Variants in ZFYVE9 observed in about 807,000 individuals in gnomAD.
ZFYVE9 encodes zinc finger FYVE domain-containing protein 9.
In ZFYVE9, 43 loss-of-function variants were observed where a neutral mutation model predicts 126.7. The observed-to-expected ratio is 0.34, with a 90% CI of 0.27 to 0.44. ZFYVE9 has a LOEUF of 0.44. ZFYVE9 is among the 20% of genes least tolerant of loss of function. The pLI is 1.00. For missense variants in ZFYVE9, 1,476 were observed against 1,697.0 expected (o/e 0.87, Z 2.29); for synonymous variants, 521 against 597.4 (o/e 0.87, Z 1.87).
intron 2 of ZFYVE9, among the ~76,000 whole-genome samples, chr1:52,230,270 A>T (rs146854980): frequency 1.3e-5 from 2 of 152,190 alleles, no homozygotes; most frequent in Non-Finnish European, 2.9e-5. Flanking sequence ...CACAGATTGA[A>T]TCCCATGTTA....
At chr1:52,277,191 TCTATTGTTAGTAAAATAC>T (rs72463287) in intron 8 of ZFYVE9, among the ~76,000 whole-genome samples, 9,897 of 151,912 alleles carry the variant, frequency 0.065, 428 homozygotes, top group Non-Finnish European at 0.1. Flanking sequence ...ATTGTTGGAT[TCTATTGTTAGTAAAATAC>T]CTATTGTTAG....
chr1:52,183,762 T>C (rs1467262601), intron 1 of ZFYVE9, among the ~76,000 whole-genome samples: 2 of 152,166 alleles, frequency 1.3e-5, no homozygotes, highest in Non-Finnish European at 2.9e-5. Flanking sequence ...CGCCTCGGCC[T>C]CCCGAAGTGC....
intron 1 of ZFYVE9, among the ~76,000 whole-genome samples, chr1:52,156,397 A>C (rs1389137130): frequency 1.3e-5 from 2 of 152,130 alleles, no homozygotes; most frequent in African/African-American, 2.4e-5. Context: ...CTGCCCTTGA[A>C]TCTTTGAGAT....
chr1:52,235,925 CTG>C lies in ZFYVE9; in HGVS notation c.71-1560_71-1559del, dbSNP rs1411951629. 4.6e-5 allele frequency among the ~76,000 whole-genome samples: 7 copies of C among 152,136 alleles called. No homozygotes were observed. The East Asian group carries it at 7.7e-4, about 17-fold the overall frequency. On this transcript the variant is annotated intron_variant, in intron 3 of 18. Coordinates refer to ENST00000287727, the MANE Select transcript of ZFYVE9 (RefSeq NM_004799.4). Reference sequence around the variant, plus strand: ...GATGTCTTTGATAAGTTCTTGGAAACTGTGACTTTAAGCAAATTGATACACTG... The same window carrying C: ...GATGTCTTTGATAAGTTCTTGGAAACTGACTTTAAGCAAATTGATACACTG...
At chr1:52,267,129 C>G (rs1490270821) in intron 6 of ZFYVE9, among the ~76,000 whole-genome samples, 2 of 152,176 alleles carry the variant, frequency 1.3e-5, no homozygotes, top group Non-Finnish European at 2.9e-5. Flanking sequence ...AATTTGAAGT[C>G]AATCTGTAAA....
rs1368337604 is a variant in ZFYVE9, at chr1:52,346,125, C to T, written c.4182C>T (p.Ser1394=). The T allele has an allele frequency of 1.1e-5, 17 of 1,613,454 alleles. No homozygotes were observed. Among genetic ancestry groups the T allele is most frequent in the East Asian group, 6.7e-5 (3 of 44,872 alleles). Residue 1394 remains serine, a synonymous_variant, in exon 19 of 19, where the codon AGC becomes AGT. Coordinates refer to ENST00000287727, the MANE Select transcript of ZFYVE9 (RefSeq NM_004799.4). ...LPSQYMNDLD[S]ALVPVIHGGA... is the part of the protein sequence containing the mutation. ...CGCAGTACATGAATGATCTGGACAG[C>T]GCCTTGGTGCCGGTGATCCATGGAG...
intron 10 of ZFYVE9, among the ~76,000 whole-genome samples, chr1:52,292,617 G>A (rs780190342): frequency 2.6e-5 from 4 of 151,586 alleles, no homozygotes; most frequent in East Asian, 2.0e-4. Flanking sequence ...GATTACAGGC[G>A]CACACCACTA....
chr1:52,224,622 G>T (rs1255312244), intron 2 of ZFYVE9, among the ~76,000 whole-genome samples: 1 of 152,086 alleles, frequency 6.6e-6, no homozygotes, highest in African/African-American at 2.4e-5. Flanking sequence ...AAGGTCTGAG[G>T]GTGGGTTCCT....
chr1:52,272,005 A>G (rs1390136274), intron 7 of ZFYVE9, among the ~76,000 whole-genome samples: 2 of 151,810 alleles, frequency 1.3e-5, no homozygotes, highest in Admixed American at 1.3e-4. Flanking sequence ...ACACCTGGCA[A>G]ATTTTGTATT....
chr1:52,328,218 T>C (rs1444305610), intron 13 of ZFYVE9, among the ~76,000 whole-genome samples: 1 of 152,146 alleles, frequency 6.6e-6, no homozygotes, highest in Admixed American at 6.5e-5. Context: ...GAATCAGAAC[T>C]GATAGAGATT....
chr1:52,156,562 C>T (rs1291062391), intron 1 of ZFYVE9, among the ~76,000 whole-genome samples: 1 of 152,164 alleles, frequency 6.6e-6, no homozygotes, highest in East Asian at 1.9e-4. Flanking sequence ...GTCAAAGACC[C>T]GGGGTGGGAG....
chr1:52,227,487 G>A (rs1267178962), intron 2 of ZFYVE9, among the ~76,000 whole-genome samples: 1 of 152,204 alleles, frequency 6.6e-6, no homozygotes, highest in African/African-American at 2.4e-5. Flanking sequence ...AGCCTTTGCA[G>A]CTGTGTATTC....
chr1:52,303,656 G>A lies in ZFYVE9; in HGVS notation c.3334-165G>A, dbSNP rs558821607. Among the ~76,000 whole-genome samples the A allele has an allele frequency of 2.0e-5, 3 of 152,204 alleles. No homozygotes were observed. In the South Asian group the frequency reaches 6.2e-4, roughly 32 times the overall value. On this transcript the variant is annotated intron_variant, in intron 12 of 18. Transcript: ENST00000287727. ...CTTATAAGAGTTTAAAGACTAAAGAGCTAAAATACATATAGTGGGGCTTTC... is the reference window on the plus strand; with the variant it reads ...CTTATAAGAGTTTAAAGACTAAAGAACTAAAATACATATAGTGGGGCTTTC...
chr1:52,168,116 A>G (rs1187256055), intron 1 of ZFYVE9, among the ~76,000 whole-genome samples: 1 of 152,142 alleles, frequency 6.6e-6, no homozygotes, highest in Admixed American at 6.5e-5. Flanking sequence ...TATTTAAGAA[A>G]ACTTATTAAA....
At chr1:52,206,532 G>T (rs572726274) in intron 1 of ZFYVE9, among the ~76,000 whole-genome samples, 15 of 151,738 alleles carry the variant, frequency 9.9e-5, no homozygotes, top group Admixed American at 2.0e-4. Context: ...TTTCTGTTTT[G>T]TTGTTGTTGT....
intron 1 of ZFYVE9, among the ~76,000 whole-genome samples, chr1:52,170,087 T>A (rs1000023477): frequency 6.6e-6 from 1 of 152,232 alleles, no homozygotes; most frequent in African/African-American, 2.4e-5. Context: ...CATTTAATAT[T>A]CAGTTCAAAG....
At chr1:52,205,754 C>T (rs576033455) in intron 1 of ZFYVE9, among the ~76,000 whole-genome samples, 1 of 152,206 alleles carries the variant, frequency 6.6e-6, no homozygotes, top group Non-Finnish European at 1.5e-5. Context: ...TAGTGACTTC[C>T]AAGCTACTTA....
Position 52,263,759 on chromosome 1 carries a change from C to A in ZFYVE9, c.2179-14C>A, listed in dbSNP as rs201810123. 7.3e-4 allele frequency: 538 copies of A among 734,262 alleles called. 5 individuals are homozygous for A. The highest frequency in any genetic ancestry group is 8.1e-4 in the Non-Finnish European group (397 of 487,146). The allele number at this position is 734,262 out of a possible 1,614,324, so 45.5% of individuals were successfully genotyped here. ...AGTAAATTTTGTGTGTTCTTCCCCC[C>A]CCCCCCCCCACAGGTTTTCTGTGCT... is the stretch of plus-strand genomic sequence containing the variant. On this transcript the variant is annotated splice_polypyrimidine_tract_variant and intron_variant, in intron 4 of 18. Transcript: ENST00000287727.
intron 12 of ZFYVE9, among the ~76,000 whole-genome samples, chr1:52,302,091 C>T (rs1461254066): frequency 6.6e-6 from 1 of 152,126 alleles, no homozygotes; most frequent in Non-Finnish European, 1.5e-5. Context: ...TATTGTAATG[C>T]CTTTAGTAAT....
Sources: gnomAD v4.1 joint callset for allele counts (sites outside exome capture counted in the v4.1 genomes callset) on GRCh38, gnomAD v4.1.1 for gene constraint, MANE v1.5 for transcripts, NCBI Gene and HGNC (gene_info 2026-07-23, HGNC 2026-07-21) for gene names.